The following KCND2 variants were observed in gnomAD, a reference collection of about 807,000 sequenced individuals.
The protein encoded by KCND2 is potassium voltage-gated channel subfamily D member 2.
KCND2 carries 16 observed loss-of-function variants against 54.4 expected under a neutral mutation model. The observed-to-expected ratio is 0.29, with a 90% CI of 0.20 to 0.45. The LOEUF (loss-of-function observed/expected upper bound fraction) is 0.45, where lower values mean the gene tolerates loss of function less well. Ranked by LOEUF, KCND2 falls within the 20% of genes least tolerant of loss-of-function variation. The pLI, the probability that KCND2 is intolerant of heterozygous loss-of-function variation, is 1.00. For synonymous variants in KCND2, 317 were observed against 310.7 expected (o/e 1.02, Z -0.21); for missense variants, 486 against 824.2 (o/e 0.59, Z 5.02).
At chr7:120,551,038 G>A (rs1031590523) in intron 1 of KCND2, among the ~76,000 whole-genome samples, 2 of 152,082 alleles carry the variant, frequency 1.3e-5, no homozygotes, top group Admixed American at 6.6e-5. Context: ...CAACCAATTG[G>A]CATTAAAGTT....
intron 1 of KCND2, among the ~76,000 whole-genome samples, chr7:120,381,513 T>A (rs1392274928): frequency 2.0e-5 from 3 of 152,120 alleles, no homozygotes; most frequent in Admixed American, 6.6e-5. Flanking sequence ...AAATGCTTTA[T>A]TTTCTTTTTA....
chr7:120,685,872 G>A (rs1350481993), intron 1 of KCND2, among the ~76,000 whole-genome samples: 4 of 152,088 alleles, frequency 2.6e-5, no homozygotes, highest in Non-Finnish European at 5.9e-5. Flanking sequence ...CTGAACCCTG[G>A]TGGGCAGAAG....
intron 1 of KCND2, among the ~76,000 whole-genome samples, chr7:120,534,669 A>T (rs1791880902): frequency 6.6e-6 from 1 of 152,176 alleles, no homozygotes; most frequent in South Asian, 2.1e-4. Flanking sequence ...CCTATATACT[A>T]TAGTAATATA....
Position 120,410,495 on chromosome 7 carries a change from G to A in KCND2, c.1115+134748G>A, listed in dbSNP as rs571270149. Among the ~76,000 whole-genome samples, 14 of 151,876 alleles carry A rather than the reference G, an allele frequency of 9.2e-5. 1 individual carries two copies. In the East Asian group the frequency reaches 2.7e-3, roughly 29 times the overall value. On this transcript the variant is annotated intron_variant, in intron 1 of 5. Coordinates refer to ENST00000331113, the MANE Select transcript of KCND2 (RefSeq NM_012281.3). Reference sequence around the variant, plus strand: ...AATAGTAGTATCTTCATAATAGTGTGTCGTCTAATCCACGAATATGGTATA... The same window carrying A: ...AATAGTAGTATCTTCATAATAGTGTATCGTCTAATCCACGAATATGGTATA...
At chr7:120,503,385 TGAGAGA>T (rs58222636) in intron 1 of KCND2, among the ~76,000 whole-genome samples, 1 of 146,666 alleles carries the variant, frequency 6.8e-6, no homozygotes, top group South Asian at 2.2e-4. Context: ...GTCTCTAGAG[TGAGAGA>T]GAGAGAGAGA....
At position 120,741,664 on chromosome 7, in the gene KCND2, A is replaced by G. The variant is rs769967630; in HGVS notation, c.1374+35A>G. ...ATTACATCTCTTTTTTTAATGTTCA[A>G]TTTCTTGGTTTAATATTGATTTAGT... On this transcript the variant is annotated intron_variant, in intron 3 of 5. Transcript: ENST00000331113. 13 of 1,423,502 alleles carry G rather than the reference A, an allele frequency of 9.1e-6. 1 individual carries two copies. Among genetic ancestry groups the G allele is most frequent in the South Asian group, 8.1e-5 (7 of 86,252 alleles). 88.2% of individuals were successfully genotyped at this position (1,423,502 alleles called of 1,614,324 possible).
intron 1 of KCND2, among the ~76,000 whole-genome samples, chr7:120,577,477 C>G (rs1394142386): frequency 6.6e-6 from 1 of 152,144 alleles, no homozygotes; most frequent in Non-Finnish European, 1.5e-5. Flanking sequence ...GAATGAAGAT[C>G]TGCCTGCCTA....
chr7:120,558,992 A>AATGT (rs200969540), intron 1 of KCND2, among the ~76,000 whole-genome samples: 6,034 of 81,910 alleles, frequency 0.074, 149 homozygotes, highest in Non-Finnish European at 0.14. Context: ...TTCACAAAGT[A>AATGT]CTGTGTGTGT....
chr7:120,712,327 G>C (rs1301628731), intron 1 of KCND2, among the ~76,000 whole-genome samples: 1 of 120,790 alleles, frequency 8.3e-6, no homozygotes, highest in Non-Finnish European at 1.6e-5. Context: ...GCAGTGGCGT[G>C]ATCTTGGCTC....
intron 1 of KCND2, among the ~76,000 whole-genome samples, chr7:120,684,966 A>T (rs2116594747): frequency 6.6e-6 from 1 of 152,322 alleles, no homozygotes; most frequent in African/African-American, 2.4e-5. Context: ...GTTCTACATT[A>T]TGATGAGTTG....
intron 1 of KCND2, among the ~76,000 whole-genome samples, chr7:120,379,072 A>G (rs562725405): frequency 2.0e-5 from 3 of 152,194 alleles, no homozygotes; most frequent in South Asian, 2.1e-4. Flanking sequence ...AATGCTTAAT[A>G]TAAGTTTTCT....
intron 1 of KCND2, among the ~76,000 whole-genome samples, chr7:120,319,962 A>G (rs925413059): frequency 5.9e-5 from 9 of 152,036 alleles, no homozygotes; most frequent in Admixed American, 4.6e-4. Context: ...TAGAGAACGT[A>G]TATTAGTTTA....
At chr7:120,298,771 T>C (rs1799545419) in intron 1 of KCND2, among the ~76,000 whole-genome samples, 1 of 152,222 alleles carries the variant, frequency 6.6e-6, no homozygotes. Context: ...AAATTAGTAA[T>C]ATTTGAGCAC....
At chr7:120,621,058 A>T (rs1793091432) in intron 1 of KCND2, among the ~76,000 whole-genome samples, 1 of 151,894 alleles carries the variant, frequency 6.6e-6, no homozygotes, top group Non-Finnish European at 1.5e-5. Context: ...GTGGATCACG[A>T]GTTTAGGAGT....
intron 1 of KCND2, among the ~76,000 whole-genome samples, chr7:120,597,700 C>T (rs1792762989): frequency 6.6e-6 from 1 of 152,142 alleles, no homozygotes; most frequent in African/African-American, 2.4e-5. Context: ...GAAAGTGAAA[C>T]AACCTAAGTG....
chr7:120,312,661 G>T (rs1799755211), intron 1 of KCND2, among the ~76,000 whole-genome samples: 1 of 152,114 alleles, frequency 6.6e-6, no homozygotes, highest in African/African-American at 2.4e-5. Context: ...CCCAGGTGTT[G>T]TTCACGGCCT....
chr7:120,746,155 G>C, intron 5 of KCND2, 128 bp downstream of exon 5: 1 of 1,062,522 alleles, frequency 9.4e-7, no homozygotes, highest in South Asian at 1.3e-5. Flanking sequence ...AGACAAAAAT[G>C]GTAGCGTAAC....
At chr7:120,348,785 G>C (rs1184960855) in intron 1 of KCND2, among the ~76,000 whole-genome samples, 1 of 152,116 alleles carries the variant, frequency 6.6e-6, no homozygotes, top group Non-Finnish European at 1.5e-5. Flanking sequence ...TTTAGAAAAA[G>C]AATATTCTGT....
At chr7:120,396,691 C>A (rs751849679) in intron 1 of KCND2, among the ~76,000 whole-genome samples, 4 of 151,638 alleles carry the variant, frequency 2.6e-5, no homozygotes, top group Non-Finnish European at 4.4e-5. Context: ...ACATGTGAGT[C>A]CTAATGTTAT....
Sources: gnomAD v4.1 joint callset for allele counts (sites outside exome capture counted in the v4.1 genomes callset) on GRCh38, gnomAD v4.1.1 for gene constraint, MANE v1.5 for transcripts, NCBI Gene and HGNC (gene_info 2026-07-23, HGNC 2026-07-21) for gene names.